Variants in INSL6 observed in about 807,000 individuals in gnomAD.
The protein encoded by INSL6 is insulin like 6, also known as insulin-like peptide INSL6.
Under a neutral mutation model 9.4 loss-of-function variants are expected in INSL6, and 16 were observed. The ratio of observed to expected loss-of-function variants is 1.70; its 90% CI spans 1.15 to 2.59. INSL6 has a LOEUF of 2.59. Among genes scored for constraint, INSL6 ranks in the 30% most tolerant of loss-of-function variants. The pLI, the probability that INSL6 is intolerant of heterozygous loss-of-function variation, is 0.00. For synonymous variants in INSL6, 154 were observed against 96.9 expected (o/e 1.59, Z -3.46); for missense variants, 391 against 257.3 (o/e 1.52, Z -3.56).
the INSL6 span, chr9:5,080,220 A>G: frequency 1.2e-6 from 2 of 1,603,738 alleles, no homozygotes; most frequent in Non-Finnish European, 1.7e-6. Context: ...TGTTCGTATC[A>G]TTTAAAAGTT....
intron 3 of INSL6, among the ~76,000 whole-genome samples, chr9:5,125,291 C>A (rs934647235): frequency 3.3e-5 from 5 of 150,948 alleles, no homozygotes; most frequent in Non-Finnish European, 5.9e-5. Flanking sequence ...TAAGGTCATA[C>A]TGTGCAGTTT....
At chr9:5,118,287 T>C in the INSL6 span, among the ~76,000 whole-genome samples, 1 of 152,220 alleles carries the variant, frequency 6.6e-6, no homozygotes, top group African/African-American at 2.4e-5. Context: ...AAAATAGTAT[T>C]CCCACTTCCC....
chr9:5,111,807 C>T, the INSL6 span: 121 of 422,036 alleles, frequency 2.9e-4, 2 homozygotes, highest in Middle Eastern at 1.0e-3. Context: ...CCCGGAGCCA[C>T]GTAGGCGGCG....
chr9:4,994,628 G>T, the INSL6 span, among the ~76,000 whole-genome samples: 2 of 152,224 alleles, frequency 1.3e-5, no homozygotes, highest in African/African-American at 4.8e-5. Flanking sequence ...TGCAAAAGCA[G>T]TTATAGACAA....
chr9:5,009,369 A>C, the INSL6 span, among the ~76,000 whole-genome samples: 4 of 152,198 alleles, frequency 2.6e-5, no homozygotes, highest in Non-Finnish European at 5.9e-5. Flanking sequence ...TACAGAATGG[A>C]AACAGCCAGG....
chr9:5,111,357 T>C, the INSL6 span: 1 of 398,222 alleles, frequency 2.5e-6, no homozygotes, highest in East Asian at 6.1e-5. Context: ...CTCCCGGTAC[T>C]ACCCCTCCTA....
At chr9:5,152,838 A>G (rs1274131796) in intron 2 of INSL6, among the ~76,000 whole-genome samples, 1 of 152,204 alleles carries the variant, frequency 6.6e-6, no homozygotes, top group Non-Finnish European at 1.5e-5. Flanking sequence ...TGCATTTCCA[A>G]CTAAGGTACC....
At chr9:5,037,673 C>T in the INSL6 span, among the ~76,000 whole-genome samples, 1 of 152,086 alleles carries the variant, frequency 6.6e-6, no homozygotes, top group Admixed American at 6.5e-5. Flanking sequence ...CACATGGACA[C>T]AGGAATGGAA....
At chr9:5,127,173 G>A (rs1824053152) in intron 3 of INSL6, 1 of 239,534 alleles carries the variant, frequency 4.2e-6, no homozygotes, top group African/African-American at 2.2e-5. Flanking sequence ...TTTTACCACA[G>A]TGGATGTATA....
the INSL6 span, among the ~76,000 whole-genome samples, chr9:5,105,725 A>G: frequency 6.6e-6 from 1 of 152,218 alleles, no homozygotes; most frequent in African/African-American, 2.4e-5. Flanking sequence ...AGATAGACCA[A>G]TGGAACAGAA....
At chr9:5,042,422 C>T in the INSL6 span, among the ~76,000 whole-genome samples, 1 of 152,100 alleles carries the variant, frequency 6.6e-6, no homozygotes, top group Non-Finnish European at 1.5e-5. Flanking sequence ...CAGGCGTGAG[C>T]CACCGCGCCC....
At chr9:5,117,608 A>G in the INSL6 span, among the ~76,000 whole-genome samples, 1 of 152,176 alleles carries the variant, frequency 6.6e-6, no homozygotes, top group African/African-American at 2.4e-5. Context: ...TTTATTTTGG[A>G]AATAGTTGTT....
the INSL6 span, chr9:5,077,635 T>C: frequency 1.8e-5 from 20 of 1,142,214 alleles, no homozygotes; most frequent in Admixed American, 3.9e-4. Context: ...TAAAACAATA[T>C]ACAAATTATC....
At chr9:5,172,640 G>C (rs1381172126) in intron 1 of INSL6, among the ~76,000 whole-genome samples, 2 of 152,068 alleles carry the variant, frequency 1.3e-5, no homozygotes, top group Non-Finnish European at 2.9e-5. Context: ...CGCTTAAAGA[G>C]TGGCCAGGCC....
chr9:5,030,433 A>G, the INSL6 span, among the ~76,000 whole-genome samples: 5 of 152,174 alleles, frequency 3.3e-5, no homozygotes, highest in Admixed American at 3.3e-4. Context: ...AAACAAAGAT[A>G]CGTTTGATTT....
At chr9:5,095,521 A>C in the INSL6 span, among the ~76,000 whole-genome samples, 1 of 152,138 alleles carries the variant, frequency 6.6e-6, no homozygotes, top group Non-Finnish European at 1.5e-5. Flanking sequence ...CTTAATAATA[A>C]CAGCCCTAGT....
the INSL6 span, chr9:5,073,652 G>A: frequency 2.2e-6 from 3 of 1,388,476 alleles, no homozygotes; most frequent in East Asian, 2.3e-5. Flanking sequence ...AACTATTTAT[G>A]GACAACAGTC....
rs767849018 is a variant in INSL6 at position 5,185,294 on chromosome 9, C to A, written c.289+20G>T. 6.2e-7 allele frequency: 1 copy of A among 1,614,006 alleles called. No homozygotes were observed. ...AAATATACAGAGGTGAACAAACATGCCTTCGGTTTCGATTTTTACCTGGGT... is the reference window on the plus strand; with the variant it reads ...AAATATACAGAGGTGAACAAACATGACTTCGGTTTCGATTTTTACCTGGGT... On this transcript the variant is annotated intron_variant, in intron 1 of 1. Transcript: ENST00000381641.
At chr9:5,111,750 GAGA>G in the INSL6 span, 1 of 425,374 alleles carries the variant, frequency 2.4e-6, no homozygotes, top group Non-Finnish European at 4.6e-6. Flanking sequence ...CTGCACGGAG[GAGA>G]AGTGAACGGT....
Sources: gnomAD v4.1 joint callset for allele counts (sites outside exome capture counted in the v4.1 genomes callset) on GRCh38, gnomAD v4.1.1 for gene constraint, MANE v1.5 for transcripts, NCBI Gene and HGNC (gene_info 2026-07-23, HGNC 2026-07-21) for gene names.